GRM3: variants seen among roughly 807,000 people sequenced by gnomAD.
The protein encoded by GRM3 is metabotropic glutamate receptor 3.
In GRM3, 26 loss-of-function variants were observed where a neutral mutation model predicts 70.5. That is an observed-to-expected ratio of 0.37 (90% CI 0.27 to 0.51). The LOEUF is 0.51. Among genes scored for constraint, GRM3 ranks in the 20% least tolerant of loss-of-function variants. GRM3 has a pLI of 0.93. For synonymous variants in GRM3, 443 were observed against 434.9 expected, an observed-to-expected ratio of 1.02 and a Z score of -0.23; for missense variants, 859 against 1,123.8, an observed-to-expected ratio of 0.76 and a Z score of 3.37.
intron 1 of GRM3, among the ~76,000 whole-genome samples, chr7:86,673,940 T>G (rs1054330736): frequency 1.3e-5 from 2 of 152,148 alleles, no homozygotes; most frequent in Admixed American, 6.6e-5. Context: ...AAACTAGAAC[T>G]TCACGACTTC....
intron 1 of GRM3, among the ~76,000 whole-genome samples, chr7:86,654,046 C>T (rs548732331): frequency 4.6e-5 from 7 of 152,190 alleles, no homozygotes; most frequent in Non-Finnish European, 8.8e-5. Context: ...ACATTCTTCA[C>T]TCAGCGTCCA....
At chr7:86,774,768 A>C (rs1049010653) in intron 2 of GRM3, among the ~76,000 whole-genome samples, 2 of 152,114 alleles carry the variant, frequency 1.3e-5, no homozygotes, top group African/African-American at 4.8e-5. Flanking sequence ...TTCACAAATG[A>C]GGCCTCATAG....
At chr7:86,721,644 C>G (rs1012326504) in intron 1 of GRM3, among the ~76,000 whole-genome samples, 1 of 152,040 alleles carries the variant, frequency 6.6e-6, no homozygotes, top group Admixed American at 6.6e-5. Flanking sequence ...AATCACAAAA[C>G]CTCTCTATCA....
At chr7:86,862,341 A>C (rs1318482050) in intron 5 of GRM3, among the ~76,000 whole-genome samples, 1 of 152,168 alleles carries the variant, frequency 6.6e-6, no homozygotes, top group East Asian at 1.9e-4. Flanking sequence ...CATTTGATGA[A>C]GCTGGAATTA....
At chr7:86,678,687 A>T (rs1001415882) in intron 1 of GRM3, among the ~76,000 whole-genome samples, 4 of 152,098 alleles carry the variant, frequency 2.6e-5, no homozygotes, top group Non-Finnish European at 4.4e-5. Flanking sequence ...ACAAGTACGT[A>T]TCCAGTTTTC....
Position 86,686,483 on chromosome 7 carries a change from T to G in GRM3, c.-141+41611T>G, listed in dbSNP as rs115478156. Among the ~76,000 whole-genome samples the G allele has an allele frequency of 3.5e-3, 538 of 152,284 alleles. 4 individuals carry two copies. Among genetic ancestry groups the G allele is most frequent in the African/African-American group, 0.012 (511 of 41,566 alleles). On this transcript the variant is annotated intron_variant, in intron 1 of 5. Coordinates refer to ENST00000361669, the MANE Select transcript of GRM3 (RefSeq NM_000840.3). Reference sequence around the variant, plus strand: ...GGGTTGCAAAGATATTTCAGAGACGTTTTTAAGGAAAAACAGTTTAGTATT... The same window carrying G: ...GGGTTGCAAAGATATTTCAGAGACGGTTTTAAGGAAAAACAGTTTAGTATT...
At chr7:86,673,157 C>G (rs780471572) in intron 1 of GRM3, among the ~76,000 whole-genome samples, 1 of 152,102 alleles carries the variant, frequency 6.6e-6, no homozygotes, top group Non-Finnish European at 1.5e-5. Flanking sequence ...AAAGGCATGA[C>G]TGAGCACTCA....
intron 1 of GRM3, among the ~76,000 whole-genome samples, chr7:86,737,893 T>C (rs981831206): frequency 6.6e-6 from 1 of 152,152 alleles, no homozygotes; most frequent in Non-Finnish European, 1.5e-5. Context: ...GGATAAATAC[T>C]CTCATTATGA....
At chr7:86,828,814 C>T (rs546309570) in intron 3 of GRM3, among the ~76,000 whole-genome samples, 2 of 152,270 alleles carry the variant, frequency 1.3e-5, no homozygotes, top group South Asian at 2.1e-4. Context: ...TTCTCTGTAG[C>T]GTGTGATGCT....
chr7:86,656,282 T>C (rs910424681), intron 1 of GRM3, among the ~76,000 whole-genome samples: 1 of 149,040 alleles, frequency 6.7e-6, no homozygotes, highest in African/African-American at 2.5e-5. Context: ...TTTTTTTTTT[T>C]TGAGACAGAG....
At chr7:86,750,540 G>C (rs892684204) in intron 1 of GRM3, among the ~76,000 whole-genome samples, 1 of 151,950 alleles carries the variant, frequency 6.6e-6, no homozygotes, top group Non-Finnish European at 1.5e-5. Flanking sequence ...AAAGAAATTG[G>C]GCCGTAAAAG....
At chr7:86,646,768 TTTCAAAC>T (rs1342867330) in intron 1 of GRM3, among the ~76,000 whole-genome samples, 5 of 152,120 alleles carry the variant, frequency 3.3e-5, no homozygotes, top group African/African-American at 7.2e-5. Flanking sequence ...GAATGGTATT[TTTCAAAC>T]TTCAGGAATA....
At chr7:86,672,211 A>C (rs926506920) in intron 1 of GRM3, among the ~76,000 whole-genome samples, 6 of 152,096 alleles carry the variant, frequency 3.9e-5, no homozygotes, top group Admixed American at 1.3e-4. Flanking sequence ...GTTTTTTTCC[A>C]GCTCAGGATT....
chr7:86,843,417 C>T (rs1054423687), intron 4 of GRM3, among the ~76,000 whole-genome samples: 7 of 152,080 alleles, frequency 4.6e-5, no homozygotes, highest in African/African-American at 1.7e-4. Flanking sequence ...AATTGAAGCT[C>T]TTATAGGAAT....
chr7:86,667,194 C>T (rs1188231254), intron 1 of GRM3, among the ~76,000 whole-genome samples: 1 of 152,210 alleles, frequency 6.6e-6, no homozygotes, highest in Non-Finnish European at 1.5e-5. Context: ...CAATGCAGTA[C>T]TTGCACATCT....
At chr7:86,805,213 C>T (rs1203340630) in intron 3 of GRM3, among the ~76,000 whole-genome samples, 1 of 152,130 alleles carries the variant, frequency 6.6e-6, no homozygotes, top group African/African-American at 2.4e-5. Flanking sequence ...CTTTGAAGAA[C>T]CAGGGAAAAT....
At chr7:86,801,969 T>A (rs1296244885) in intron 3 of GRM3, among the ~76,000 whole-genome samples, 1 of 152,178 alleles carries the variant, frequency 6.6e-6, no homozygotes, top group Non-Finnish European at 1.5e-5. Flanking sequence ...TTGGTTGTGA[T>A]CCTTGGTCTA....
At chr7:86,660,065 T>G (rs1356089748) in intron 1 of GRM3, among the ~76,000 whole-genome samples, 1 of 152,054 alleles carries the variant, frequency 6.6e-6, no homozygotes, top group African/African-American at 2.4e-5. Context: ...GAATAGTATA[T>G]TTGCGTGTAG....
At chr7:86,773,868 C>T (rs1266059725) in intron 2 of GRM3, among the ~76,000 whole-genome samples, 1 of 151,998 alleles carries the variant, frequency 6.6e-6, no homozygotes, top group African/African-American at 2.4e-5. Flanking sequence ...CCCCTTCTGT[C>T]ATGTATTTAT....
Sources: allele counts gnomAD v4.1 joint callset (sites outside exome capture counted in the v4.1 genomes callset), GRCh38; gene constraint gnomAD v4.1.1; transcripts MANE v1.5; gene names NCBI Gene and HGNC (gene_info 2026-07-23, HGNC 2026-07-21).